Variants in VPS26A observed in about 807,000 individuals in gnomAD.
VPS26A encodes the protein VPS26 retromer complex component A.
In VPS26A, 22 loss-of-function variants were observed where a neutral mutation model predicts 42.4. The observed-to-expected ratio is 0.52, with a 90% CI of 0.37 to 0.74. VPS26A has a LOEUF of 0.74. Among genes scored for constraint, VPS26A ranks in the 30% least tolerant of loss-of-function variants. The pLI is 0.00. For synonymous variants in VPS26A, 110 were observed against 123.5 expected (o/e 0.89, Z 0.73); for missense variants, 276 against 379.2 (o/e 0.73, Z 2.26).
intron 2 of VPS26A, among the ~76,000 whole-genome samples, chr10:69,144,976 T>G (rs1841122631): frequency 6.6e-6 from 1 of 152,092 alleles, no homozygotes; most frequent in Admixed American, 6.6e-5. Context: ...GCCTACCCCT[T>G]GGGCACAAAG....
intron 6 of VPS26A, among the ~76,000 whole-genome samples, chr10:69,164,537 G>A (rs1359957199): frequency 6.6e-6 from 1 of 152,016 alleles, no homozygotes; most frequent in East Asian, 1.9e-4. Flanking sequence ...TAATATTAAG[G>A]GTAGCAAAAA....
chr10:69,168,662 C>G, intron 8 of VPS26A, 31 bp downstream of exon 8: 1 of 1,602,252 alleles, frequency 6.2e-7, no homozygotes, highest in South Asian at 1.1e-5. Flanking sequence ...GTATTATGTT[C>G]TGCGGCAGAT....
chr10:69,157,361 T>C (rs1486346012), intron 4 of VPS26A, among the ~76,000 whole-genome samples, 198 bp downstream of exon 4: 1 of 152,244 alleles, frequency 6.6e-6, no homozygotes, highest in Non-Finnish European at 1.5e-5. Context: ...AACATTGTTA[T>C]GAGACATTTC....
chr10:69,173,293 A>G lies in VPS26A; in HGVS notation c.*2024A>G, dbSNP rs1841857687. On this transcript the variant is annotated 3_prime_UTR_variant, in exon 9 of 9. Transcript: ENST00000263559. The stretch of plus-strand genomic sequence containing the variant: ...TTTAAAATAACCAGGCCCGGGTCCT[A>G]CTCTGACCAATAAAATAAGAATCTC... 6.6e-6 allele frequency among the ~76,000 whole-genome samples: 1 copy of G among 152,126 alleles called. No individual in the cohort carries two copies. The highest frequency in any genetic ancestry group is 6.5e-5 in the Admixed American group (1 of 15,272).
intron 2 of VPS26A, 127 bp downstream of exon 2, chr10:69,133,174 C>T: frequency 1.0e-6 from 1 of 966,044 alleles, no homozygotes; most frequent in South Asian, 1.8e-5. Flanking sequence ...CCCTAAAGTT[C>T]AGCTAAAATA....
intron 2 of VPS26A, among the ~76,000 whole-genome samples, chr10:69,152,680 T>TA (rs990186579): frequency 6.6e-6 from 1 of 152,070 alleles, no homozygotes; most frequent in African/African-American, 2.4e-5. Flanking sequence ...TTTGTTATAG[T>TA]AAAAAACGGC....
chr10:69,151,264 C>CAAAAAAAAAAAAAAAAAAAAAAAA (rs1192297497), intron 2 of VPS26A, among the ~76,000 whole-genome samples: 2 of 30,408 alleles, frequency 6.6e-5, no homozygotes, highest in Admixed American at 3.1e-4. Flanking sequence ...GACTCCATGT[C>CAAAAAAAAAAAAAAAAAAAAAAAA]AAAAAAAAAA....
At chr10:69,170,565 G>A (rs936327499) in intron 8 of VPS26A, among the ~76,000 whole-genome samples, 10 of 152,148 alleles carry the variant, frequency 6.6e-5, no homozygotes, top group African/African-American at 1.9e-4. Flanking sequence ...GATGTAGGGC[G>A]AGTTTATTTG....
intron 2 of VPS26A, among the ~76,000 whole-genome samples, chr10:69,155,300 T>C (rs1841409369): frequency 1.3e-5 from 2 of 152,206 alleles, no homozygotes; most frequent in Admixed American, 1.3e-4. Context: ...AAGTGATACC[T>C]CAATTACAAT....
Position 69,158,112 on chromosome 10 carries a change from T to C in VPS26A, c.452T>C (p.Val151Ala). The C allele has an allele frequency of 6.2e-7, 1 of 1,613,472 alleles. No individual in the cohort carries two copies. Among genetic ancestry groups the C allele is most frequent in the Non-Finnish European group, 8.5e-7 (1 of 1,179,718 alleles). ...TDLVKEYDLI[V>A]HQLATYPDVN... ...TTGGTAAAAGAGTATGATCTTATTG[T>C]TCACCAGCTTGCCACCTATCCTGAT... The change falls in exon 5 of 9, where the codon GTT becomes GCT. Residue 151 changes from valine to alanine, a missense_variant. Physicochemically the swap from Val to Ala is moderately conservative, Grantham distance 64 (BLOSUM62 0). Transcript: ENST00000263559.
intron 2 of VPS26A, among the ~76,000 whole-genome samples, chr10:69,149,944 A>G (rs999781205): frequency 3.3e-5 from 5 of 151,968 alleles, no homozygotes; most frequent in Admixed American, 6.6e-5. Flanking sequence ...GGGTTTCACC[A>G]TGTGGGCCAG....
At chr10:69,146,851 G>C (rs1841170659) in intron 2 of VPS26A, among the ~76,000 whole-genome samples, 1 of 152,150 alleles carries the variant, frequency 6.6e-6, no homozygotes, top group South Asian at 2.1e-4. Context: ...ATTTGGGTTG[G>C]TACTATTTGA....
chr10:69,133,507 T>C (rs1368581912), intron 2 of VPS26A: 1 of 1,243,492 alleles, frequency 8.0e-7, no homozygotes, highest in African/African-American at 1.6e-5. Flanking sequence ...ACTGCTACTA[T>C]TGTGTCTGTT....
intron 2 of VPS26A, among the ~76,000 whole-genome samples, chr10:69,151,282 A>AAAAAAAAC (rs71035063): frequency 7.3e-6 from 1 of 136,776 alleles, no homozygotes; most frequent in African/African-American, 3.3e-5. Flanking sequence ...AAAAAAAAAA[A>AAAAAAAAC]ACACACACAC....
chr10:69,154,687 A>G (rs1249722011), intron 2 of VPS26A, among the ~76,000 whole-genome samples: 1 of 151,982 alleles, frequency 6.6e-6, no homozygotes, highest in Non-Finnish European at 1.5e-5. Flanking sequence ...ATATAGTGAG[A>G]CCTCATCTCT....
chr10:69,150,684 A>G (rs2132217577), intron 2 of VPS26A, among the ~76,000 whole-genome samples: 1 of 152,324 alleles, frequency 6.6e-6, no homozygotes, highest in East Asian at 1.9e-4. Flanking sequence ...GGCGTGAGCC[A>G]CCGCGCCCGG....
At chr10:69,124,758 A>G (rs61868341) in intron 1 of VPS26A, among the ~76,000 whole-genome samples, 24,726 of 152,170 alleles carry the variant, frequency 0.16, 2,685 homozygotes, top group Non-Finnish European at 0.23. Flanking sequence ...AAACCTGACT[A>G]TGGTGACATT....
At chr10:69,165,898 A>G in intron 6 of VPS26A, 144 bp from the exon 7 acceptor site, 1 of 741,654 alleles carries the variant, frequency 1.3e-6, no homozygotes, top group Middle Eastern at 3.1e-4. Context: ...GCAAGCCATG[A>G]TTGGACCACT....
Position 69,171,378 on chromosome 10 carries a change from C to T in VPS26A, c.*109C>T. Reference sequence around the variant, plus strand: ...GAGGGGGCGGAAAAAGGCCAAAACTCCATATATGTTAGTCTTCCTTTATCT... The same window carrying T: ...GAGGGGGCGGAAAAAGGCCAAAACTTCATATATGTTAGTCTTCCTTTATCT... On this transcript the variant is annotated 3_prime_UTR_variant, in exon 9 of 9. Transcript: ENST00000263559. 1 of 805,582 alleles carries T rather than the reference C, an allele frequency of 1.2e-6. No individual in the cohort carries two copies. Among genetic ancestry groups the T allele is most frequent in the Non-Finnish European group, 2.0e-6 (1 of 494,616 alleles). The allele number at this position is 805,582 out of a possible 1,614,324, so 49.9% of individuals were successfully genotyped here.
Sources: gnomAD v4.1 joint callset for allele counts (sites outside exome capture counted in the v4.1 genomes callset) on GRCh38, gnomAD v4.1.1 for gene constraint, MANE v1.5 for transcripts, NCBI Gene and HGNC (gene_info 2026-07-23, HGNC 2026-07-21) for gene names.